The following JMY variants were observed in gnomAD, a reference collection of about 807,000 sequenced individuals.
JMY encodes the protein junction mediating and regulatory protein, p53 cofactor.
A neutral mutation model predicts 103.3 loss-of-function variants in JMY; 46 were observed. The ratio of observed to expected loss-of-function variants is 0.45; its 90% CI spans 0.35 to 0.57. The LOEUF (loss-of-function observed/expected upper bound fraction) is 0.57. Ranked by LOEUF, JMY falls within the 20% of genes least tolerant of loss-of-function variation. JMY has a pLI of 0.00. For synonymous variants in JMY, 526 were observed against 489.3 expected (o/e 1.07, Z -0.99); for missense variants, 1,238 against 1,255.2 (o/e 0.99, Z 0.21).
At chr5:79,260,335 C>T (rs963082351) in intron 1 of JMY, among the ~76,000 whole-genome samples, 1 of 152,196 alleles carries the variant, frequency 6.6e-6, no homozygotes, top group Non-Finnish European at 1.5e-5. Context: ...CCACTGCCAC[C>T]ACTGCCGCTC....
At chr5:79,320,355 T>C (rs1407527807) in intron 10 of JMY, among the ~76,000 whole-genome samples, 1 of 150,962 alleles carries the variant, frequency 6.6e-6, no homozygotes, top group East Asian at 1.9e-4. Context: ...TTTTTTTTTT[T>C]TTGAGATGGA....
At chr5:79,267,426 G>A (rs1328700165) in intron 1 of JMY, among the ~76,000 whole-genome samples, 1 of 152,014 alleles carries the variant, frequency 6.6e-6, no homozygotes, top group African/African-American at 2.4e-5. Flanking sequence ...GGCAACCAGT[G>A]GTCTTTTTAC....
chr5:79,325,476 A>G lies in JMY; in HGVS notation c.*3874A>G, dbSNP rs1173189063. On this transcript the variant is annotated 3_prime_UTR_variant, in exon 11 of 11. Transcript: ENST00000396137. ...TTTACCTAATTATTGCACTAAATGTAAATGATAACATAAAATTAAGTGTGC... is the reference window on the plus strand; with the variant it reads ...TTTACCTAATTATTGCACTAAATGTGAATGATAACATAAAATTAAGTGTGC... 2 of 152,212 alleles carry G rather than the reference A, an allele frequency of 1.3e-5. No individual in the cohort carries two copies. Among genetic ancestry groups the G allele is most frequent in the Non-Finnish European group, 2.9e-5 (2 of 68,020 alleles). The allele number at this position is 152,212 out of a possible 1,614,324, so 9.4% of individuals were successfully genotyped here.
chr5:79,237,304 C>G lies in JMY; in HGVS notation c.654C>G (p.Thr218=), dbSNP rs1386298986. The change falls in exon 1 of 11, where the codon ACC becomes ACG. Residue 218 remains threonine, a synonymous_variant. Transcript: ENST00000396137. ...LSDAEQPPPA[T]ELESPAEECS... is the part of the protein sequence containing the mutation. Reference sequence around the variant, plus strand: ...ACGCGGAGCAGCCGCCGCCCGCCACCGAGCTGGAGTCTCCGGCCGAAGAGT... The same window carrying G: ...ACGCGGAGCAGCCGCCGCCCGCCACGGAGCTGGAGTCTCCGGCCGAAGAGT... 4 of 1,564,196 alleles carry G rather than the reference C, an allele frequency of 2.6e-6. No homozygotes were observed. Among genetic ancestry groups the G allele is most frequent in the Admixed American group, 3.8e-5 (2 of 52,020 alleles).
chr5:79,291,994 T>C (rs1318619459), intron 4 of JMY, among the ~76,000 whole-genome samples: 3 of 152,338 alleles, frequency 2.0e-5, no homozygotes, highest in African/African-American at 4.8e-5. Context: ...ATGGTTCTCA[T>C]TGACATTTTT....
intron 2 of JMY, among the ~76,000 whole-genome samples, chr5:79,281,025 A>G (rs1250656177): frequency 6.6e-6 from 1 of 151,056 alleles, no homozygotes; most frequent in African/African-American, 2.4e-5. Context: ...AAAGAAAATA[A>G]TTTATTTTTA....
intron 2 of JMY, among the ~76,000 whole-genome samples, chr5:79,282,948 A>G (rs1385198606): frequency 6.6e-6 from 1 of 150,840 alleles, no homozygotes; most frequent in African/African-American, 2.4e-5. Context: ...GTTGGGTTCT[A>G]ATCAAAATAT....
chr5:79,280,803 T>C (rs1746083238), intron 2 of JMY, among the ~76,000 whole-genome samples: 1 of 152,070 alleles, frequency 6.6e-6, no homozygotes, highest in African/African-American at 2.4e-5. Context: ...AGCTAATTTG[T>C]AAGTGGTAGA....
intron 1 of JMY, among the ~76,000 whole-genome samples, chr5:79,253,175 C>T (rs1271586023): frequency 2.0e-5 from 3 of 152,144 alleles, no homozygotes; most frequent in Non-Finnish European, 4.4e-5. Context: ...CTAATAAAGA[C>T]TCTAATCTTA....
intron 2 of JMY, 63 bp from the exon 3 acceptor site, chr5:79,290,058 A>G (rs1746377080): frequency 1.7e-6 from 2 of 1,184,092 alleles, no homozygotes; most frequent in South Asian, 2.1e-5. Context: ...TAAACTTTAA[A>G]TGTTTGAGGA....
chr5:79,312,307 C>G (rs1747071209), intron 7 of JMY, 96 bp from the exon 8 acceptor site: 1 of 635,504 alleles, frequency 1.6e-6, no homozygotes, highest in African/African-American at 1.9e-5. Context: ...TGAATCATCC[C>G]CTTTGGCCCA....
At chr5:79,306,758 T>C (rs1207504443) in intron 7 of JMY, among the ~76,000 whole-genome samples, 5 of 152,150 alleles carry the variant, frequency 3.3e-5, no homozygotes, top group Admixed American at 2.6e-4. Flanking sequence ...CAGTGAAACA[T>C]TGAACATCAC....
intron 8 of JMY, among the ~76,000 whole-genome samples, chr5:79,313,567 C>A (rs1747115695): frequency 1.3e-5 from 2 of 152,092 alleles, no homozygotes; most frequent in Admixed American, 6.5e-5. Context: ...GCCAAGTAAC[C>A]TGTTAAAGAA....
chr5:79,325,091 G>A lies in JMY; in HGVS notation c.*3489G>A, dbSNP rs1189482634. 1 of 152,316 alleles carries A rather than the reference G, an allele frequency of 6.6e-6. No homozygotes were observed. The highest frequency in any genetic ancestry group is 1.5e-5 in the Non-Finnish European group (1 of 68,022). 9.4% of individuals were successfully genotyped at this position (152,316 alleles called of 1,614,324 possible). On this transcript the variant is annotated 3_prime_UTR_variant, in exon 11 of 11. Coordinates refer to ENST00000396137, the MANE Select transcript of JMY (RefSeq NM_152405.5). The stretch of plus-strand genomic sequence containing the variant: ...GGCAGCATTCTCTCTGTTTGGAATG[G>A]GATCAGTATACAATTAATACAATTT...
At chr5:79,295,100 A>T (rs1580361204) in intron 4 of JMY, among the ~76,000 whole-genome samples, 1 of 152,176 alleles carries the variant, frequency 6.6e-6, no homozygotes, top group South Asian at 2.1e-4. Context: ...TCAAGTATTT[A>T]TTGAGCATTG....
intron 1 of JMY, among the ~76,000 whole-genome samples, chr5:79,272,705 C>T (rs1464917611): frequency 6.6e-6 from 1 of 152,204 alleles, no homozygotes; most frequent in East Asian, 1.9e-4. Context: ...TCAGTCATAG[C>T]TCACTGCAGC....
chr5:79,266,481 A>G (rs996580527), intron 1 of JMY, among the ~76,000 whole-genome samples: 1 of 152,234 alleles, frequency 6.6e-6, no homozygotes, highest in Non-Finnish European at 1.5e-5. Context: ...AGTTGTACAT[A>G]TTTAGGTGGT....
intron 6 of JMY, among the ~76,000 whole-genome samples, chr5:79,304,540 T>G (rs1456129877): frequency 6.6e-6 from 1 of 152,152 alleles, no homozygotes; most frequent in African/African-American, 2.4e-5. Context: ...AATAACAATT[T>G]TCTTTGTTTT....
intron 1 of JMY, among the ~76,000 whole-genome samples, chr5:79,253,576 G>A (rs1329295442): frequency 1.3e-5 from 2 of 152,180 alleles, no homozygotes; most frequent in Non-Finnish European, 2.9e-5. Flanking sequence ...ATAGGCGTGA[G>A]CCACCGCCCA....
Sources: allele counts gnomAD v4.1 joint callset (sites outside exome capture counted in the v4.1 genomes callset), GRCh38; gene constraint gnomAD v4.1.1; transcripts MANE v1.5; gene names NCBI Gene and HGNC (gene_info 2026-07-23, HGNC 2026-07-21).